ZNF567: variants seen among roughly 807,000 people sequenced by gnomAD.
ZNF567 encodes zinc finger protein 567.
A neutral mutation model predicts 53.9 loss-of-function variants in ZNF567; 36 were observed. The observed-to-expected ratio is 0.67, with a 90% confidence interval of 0.51 to 0.88. ZNF567 has a LOEUF of 0.88. Among genes scored for constraint, ZNF567 ranks in the 40% least tolerant of loss-of-function variants. The pLI is 0.00. For synonymous variants in ZNF567, 224 were observed against 260.4 expected (o/e 0.86, Z 1.35); for missense variants, 619 against 764.7 (o/e 0.81, Z 2.25).
Position 36,715,500 on chromosome 19 carries a change from AATAATAATAATTATTATTATTATT to A in ZNF567, c.223+2636_223+2659del, listed in dbSNP as rs1235043178. Among the ~76,000 whole-genome samples, 162 of 74,686 alleles carry A rather than the reference AATAATAATAATTATTATTATTATT, an allele frequency of 2.2e-3. 2 individuals carry two copies. Among genetic ancestry groups the A allele is most frequent in the African/African-American group, 7.5e-3 (158 of 20,994 alleles). The allele number at this position is 74,686 out of a possible 152,430, so 49.0% of individuals were successfully genotyped here. On this transcript the variant is annotated intron_variant, in intron 5 of 5. Coordinates refer to ENST00000682579, the MANE Select transcript of ZNF567 (RefSeq NM_001322917.1). The stretch of plus-strand genomic sequence containing the variant: ...TCAAAATAATAATAATAATAATAAT[AATAATAATAATTATTATTATTATT>A]ATTATTATTATTATTATTATTTGAG...
downstream of ZNF567, among the ~76,000 whole-genome samples, chr19:36,725,904 C>A (rs963449117): frequency 6.6e-6 from 1 of 152,200 alleles, no homozygotes; most frequent in Non-Finnish European, 1.5e-5. Flanking sequence ...TCCTCTCCTT[C>A]CAGGATTTCA....
the ZNF567 span, among the ~76,000 whole-genome samples, chr19:36,670,784 C>A: frequency 6.6e-6 from 1 of 152,140 alleles, no homozygotes; most frequent in Non-Finnish European, 1.5e-5. Context: ...TCACAGGGAT[C>A]TCGATTGCCT....
chr19:36,668,896 C>T, the ZNF567 span: 1 of 152,164 alleles, frequency 6.6e-6, no homozygotes. Flanking sequence ...ACAGCTGGCC[C>T]TCCCTATCCA....
chr19:36,708,514 CTA>C (rs1216472635), intron 3 of ZNF567, among the ~76,000 whole-genome samples: 6 of 152,128 alleles, frequency 3.9e-5, no homozygotes, highest in Non-Finnish European at 8.8e-5. Context: ...TTAGGGTTCA[CTA>C]TTGATATTGA....
At chr19:36,702,249 G>A (rs1402894399) in intron 3 of ZNF567, among the ~76,000 whole-genome samples, 4 of 152,004 alleles carry the variant, frequency 2.6e-5, no homozygotes, top group Admixed American at 2.6e-4. Context: ...GTTGAATATT[G>A]GCCCCCACTG....
chr19:36,725,364 G>A (rs187205895), downstream of ZNF567, among the ~76,000 whole-genome samples: 26 of 151,960 alleles, frequency 1.7e-4, no homozygotes, highest in Admixed American at 1.2e-3. Flanking sequence ...CACCACACCC[G>A]GCTAATTTTG....
At chr19:36,708,593 C>A (rs1422078152) in intron 3 of ZNF567, among the ~76,000 whole-genome samples, 1 of 152,088 alleles carries the variant, frequency 6.6e-6, no homozygotes, top group African/African-American at 2.4e-5. Context: ...AAAATGGTTT[C>A]ACTGCCCTAA....
At chr19:36,701,202 G>A (rs997293739) in intron 3 of ZNF567, among the ~76,000 whole-genome samples, 5 of 152,152 alleles carry the variant, frequency 3.3e-5, no homozygotes, top group African/African-American at 1.2e-4. Flanking sequence ...TTCAGGAGCA[G>A]GTTGTTCAGT....
At chr19:36,673,605 G>T in the ZNF567 span, among the ~76,000 whole-genome samples, 1 of 152,120 alleles carries the variant, frequency 6.6e-6, no homozygotes, top group Non-Finnish European at 1.5e-5. Context: ...CTGCCTTGCA[G>T]ATTTTGGACG....
At chr19:36,697,630 T>G (rs1034900279) in intron 3 of ZNF567, among the ~76,000 whole-genome samples, 24 of 151,762 alleles carry the variant, frequency 1.6e-4, no homozygotes, top group African/African-American at 5.8e-4. Context: ...TTTTTTTTCT[T>G]GAGACAGAGT....
chr19:36,713,138 T>C (rs2039873472), intron 5 of ZNF567, among the ~76,000 whole-genome samples: 1 of 151,624 alleles, frequency 6.6e-6, no homozygotes, highest in African/African-American at 2.4e-5. Context: ...CAAGACCCCA[T>C]CACTACAAAA....
chr19:36,675,929 ATATGTACATGTATCTG>A, the ZNF567 span, among the ~76,000 whole-genome samples: 2 of 152,148 alleles, frequency 1.3e-5, no homozygotes, highest in Admixed American at 6.5e-5. Flanking sequence ...ATTTGTATGT[ATATGTACATGTATCTG>A]TATGTACATA....
chr19:36,710,599 T>C (rs182165459), intron 3 of ZNF567, among the ~76,000 whole-genome samples: 2 of 152,316 alleles, frequency 1.3e-5, no homozygotes, highest in East Asian at 3.9e-4. Flanking sequence ...TTCTTCAAGC[T>C]TCTAGCTGCT....
chr19:36,706,101 G>T (rs1179526243), intron 3 of ZNF567, among the ~76,000 whole-genome samples: 1 of 152,132 alleles, frequency 6.6e-6, no homozygotes, highest in African/African-American at 2.4e-5. Context: ...GGTGGGGTCT[G>T]TTCTCTGCTT....
chr19:36,672,433 T>A, the ZNF567 span, among the ~76,000 whole-genome samples: 2 of 152,312 alleles, frequency 1.3e-5, no homozygotes, highest in Non-Finnish European at 2.9e-5. Context: ...TAATCGGGTG[T>A]ATAGGATGAC....
the ZNF567 span, among the ~76,000 whole-genome samples, chr19:36,681,013 T>C: frequency 2.6e-5 from 4 of 152,242 alleles, no homozygotes; most frequent in African/African-American, 9.6e-5. Context: ...GATTAGGACA[T>C]GGACATATCT....
chr19:36,682,977 G>A (rs1277213129), upstream of ZNF567, among the ~76,000 whole-genome samples: 1 of 151,890 alleles, frequency 6.6e-6, no homozygotes, highest in Non-Finnish European at 1.5e-5. Flanking sequence ...CTCTTTGTGT[G>A]TGTGTGTGTC....
intron 5 of ZNF567, among the ~76,000 whole-genome samples, chr19:36,713,930 A>G (rs1469443560): frequency 6.6e-6 from 1 of 152,132 alleles, no homozygotes; most frequent in East Asian, 1.9e-4. Flanking sequence ...GCAAGACTCC[A>G]TTTCAAAAAA....
chr19:36,718,095 G>A (rs1160541624), intron 5 of ZNF567, among the ~76,000 whole-genome samples: 1 of 152,166 alleles, frequency 6.6e-6, no homozygotes, highest in African/African-American at 2.4e-5. Flanking sequence ...TGTAGAAAAT[G>A]AATTGATAAT....
Sources: allele counts gnomAD v4.1 joint callset (sites outside exome capture counted in the v4.1 genomes callset), GRCh38; gene constraint gnomAD v4.1.1; transcripts MANE v1.5; gene names NCBI Gene and HGNC (gene_info 2026-07-23, HGNC 2026-07-21).